C1orf167: variants seen among roughly 807,000 people sequenced by gnomAD.
C1orf167 encodes chromosome 1 open reading frame 167, also known as uncharacterized protein C1orf167.
C1orf167 carries 153 observed loss-of-function variants against 176.5 expected under a neutral mutation model. The observed-to-expected ratio is 0.87, with a 90% CI of 0.76 to 0.99. C1orf167 has a LOEUF of 0.99. Ranked by LOEUF, C1orf167 falls within the 50% of genes least tolerant of loss-of-function variation. C1orf167 has a pLI of 0.00. For synonymous variants in C1orf167, 594 were observed against 752.7 expected, an observed-to-expected ratio of 0.79 and a Z score of 3.45; for missense variants, 1,490 against 1,817.7, an observed-to-expected ratio of 0.82 and a Z score of 3.28.
intron 9 of C1orf167, among the ~76,000 whole-genome samples, chr1:11,775,874 A>T (rs1372668159): frequency 6.6e-6 from 1 of 152,170 alleles, no homozygotes; most frequent in East Asian, 1.9e-4. Context: ...CAGTGCTGGT[A>T]TCCTAGATCC....
rs1225430597 is a variant in C1orf167 at position 11,776,401 on chromosome 1, A to G, written c.2165-63A>G. On this transcript the variant is annotated intron_variant, in intron 9 of 20. Coordinates refer to ENST00000688073, the MANE Select transcript of C1orf167 (RefSeq NM_001010881.2). ...GAGGGGCCTGAGGCAGCAGCTATCA[A>G]TGGCTGTGGGCAGAGTGAGGTCAGT... 1.0e-5 allele frequency: 13 copies of G among 1,247,826 alleles called. No individual in the cohort carries two copies. The East Asian group carries it at 8.2e-4, about 79-fold the overall frequency. 77.3% of individuals were successfully genotyped at this position (1,247,826 alleles called of 1,614,324 possible). A position where few individuals can be genotyped will look rare whatever the true frequency, so the allele number is the denominator to read the frequency against.
intron 8 of C1orf167, among the ~76,000 whole-genome samples, chr1:11,772,803 A>AT (rs1307477140): frequency 6.6e-6 from 1 of 152,214 alleles, no homozygotes; most frequent in East Asian, 1.9e-4. Flanking sequence ...GTGTATGTGA[A>AT]TACCACCTGG....
At chr1:11,781,776 A>G (rs1247193772) in intron 13 of C1orf167, among the ~76,000 whole-genome samples, 2 of 151,908 alleles carry the variant, frequency 1.3e-5, no homozygotes, top group Admixed American at 1.3e-4. Flanking sequence ...CAGGCGTGGT[A>G]GTGTGCGCCT....
intron 6 of C1orf167, among the ~76,000 whole-genome samples, chr1:11,769,518 T>C (rs1174656161): frequency 2.0e-5 from 3 of 151,950 alleles, no homozygotes; most frequent in African/African-American, 7.2e-5. Flanking sequence ...CAGTGAGCTA[T>C]GATCATGCCA....
In C1orf167 at chr1:11,784,273, C is replaced by G. The variant is rs10864543; in HGVS notation, c.3105C>G (p.Ala1035=). The G allele has an allele frequency of 2.3e-6, 3 of 1,302,740 alleles. No homozygotes were observed. The African/African-American group carries it at 4.6e-5, about 20-fold the overall frequency. 80.7% of individuals were successfully genotyped at this position (1,302,740 alleles called of 1,614,324 possible). A position where few individuals can be genotyped will look rare whatever the true frequency, so the allele number is the denominator to read the frequency against. ...GCCTGAGGAGAAGAGCACTGGGGGCCGTGTTTGCCACATGGCGGGAAGCCC... is the reference window on the plus strand; with the variant it reads ...GCCTGAGGAGAAGAGCACTGGGGGCGGTGTTTGCCACATGGCGGGAAGCCC... ...QDGLRRRALG[A]VFATWREAQE... The change falls in exon 15 of 21, where the codon GCC becomes GCG. Residue 1035 remains alanine (A), a synonymous_variant. Transcript: ENST00000688073.
intron 14 of C1orf167, among the ~76,000 whole-genome samples, chr1:11,783,170 C>T (rs1643673271): frequency 6.6e-6 from 1 of 152,150 alleles, no homozygotes; most frequent in Admixed American, 6.5e-5. Context: ...TCAGTGTCCC[C>T]GTGGGGCAGT....
intron 14 of C1orf167, 118 bp downstream of exon 14, chr1:11,782,451 A>G (rs1570427541): frequency 4.1e-6 from 4 of 973,634 alleles, no homozygotes; most frequent in Admixed American, 9.9e-5. Context: ...GTGGCCTGGG[A>G]AAAAAGGGGC....
Position 11,765,996 on chromosome 1 carries a change from AGTCCAGACCAACCTGGCCAGCCCTG to A in C1orf167, c.215_239del (p.Gln72ProfsTer5), listed in dbSNP as rs750887318. The A allele has an allele frequency of 3.1e-6, 4 of 1,289,224 alleles. No homozygotes were observed. The South Asian group carries it at 4.9e-5, about 16-fold the overall frequency. 79.9% of individuals were successfully genotyped at this position (1,289,224 alleles called of 1,614,324 possible). ...CAGTGCTAGACCAGGAGCCCTGCCG[AGTCCAGACCAACCTGGCCAGCCCTG>A]GTCCCCGCCTGGGCCTAGCTCTGAA... On this transcript the variant is annotated frameshift_variant, in exon 3 of 21. Coordinates refer to ENST00000688073, the MANE Select transcript of C1orf167 (RefSeq NM_001010881.2). LOFTEE classifies it high-confidence loss of function.
At position 11,766,332 on chromosome 1, in the gene C1orf167, G is replaced by T. The variant is rs770320609; in HGVS notation, c.546G>T (p.Arg182Ser). 7.8e-7 allele frequency: 1 copy of T among 1,282,458 alleles called. No individual in the cohort carries two copies. Among genetic ancestry groups the T allele is most frequent in the South Asian group, 1.2e-5 (1 of 80,432 alleles). 79.4% of individuals were successfully genotyped at this position (1,282,458 alleles called of 1,614,324 possible). A position where few individuals can be genotyped will look rare whatever the true frequency, so the allele number is the denominator to read the frequency against. Residue 182 changes from arginine to serine, a missense_variant, in exon 3 of 21, where the codon AGG becomes AGT. Physicochemically the swap from Arg to Ser is moderately radical, Grantham distance 110. Coordinates refer to ENST00000688073, the MANE Select transcript of C1orf167 (RefSeq NM_001010881.2). This position sits in a 1 kb window ranked among gnomAD's most constrained non-coding sequence, Gnocchi z 4.5. ...PAPGTPSGDF[R>S]PTEAFAPLDG... ...CAGGCACCCCTAGCGGGGACTTCAG[G>T]CCCACTGAAGCCTTTGCCCCTCTCG...
chr1:11,782,200 C>T lies in C1orf167; in HGVS notation c.2872C>T (p.Leu958=). The T allele has an allele frequency of 7.8e-7, 1 of 1,287,520 alleles. No individual in the cohort carries two copies. Among genetic ancestry groups the T allele is most frequent in the Non-Finnish European group, 1.0e-6 (1 of 981,424 alleles). The allele number at this position is 1,287,520 out of a possible 1,614,324, so 79.8% of individuals were successfully genotyped here. ...CTCTCTGGCCCCAGGGCAGCAGTTC[C>T]TGCATGAAAAGTGCCAGACATGGGT... is the stretch of plus-strand genomic sequence containing the variant. ...WHSCWQGQQF[L]HEKCQTWVQV... Residue 958 remains leucine, a synonymous_variant, in exon 14 of 21, where the codon CTG becomes TTG. Transcript: ENST00000688073.
intron 8 of C1orf167, among the ~76,000 whole-genome samples, chr1:11,774,130 C>G (rs565741180): frequency 6.1e-4 from 93 of 152,236 alleles, no homozygotes; most frequent in Admixed American, 9.8e-4. Context: ...GCCTCGAACT[C>G]CTGGACTCAA....
At chr1:11,779,125 T>C (rs901837406) in intron 12 of C1orf167, 45 bp downstream of exon 12, 18 of 1,207,714 alleles carry the variant, frequency 1.5e-5, no homozygotes, top group Non-Finnish European at 1.7e-5. Context: ...GGACTTACTG[T>C]TTCCCGGCCC....
At chr1:11,769,230 C>T in intron 6 of C1orf167, 103 bp downstream of exon 6, 1 of 878,602 alleles carries the variant, frequency 1.1e-6, no homozygotes, top group Non-Finnish European at 1.4e-6. Flanking sequence ...ATGAAATAAG[C>T]AGATGTGGGC....
In C1orf167 at chr1:11,779,084, G is replaced by A; in HGVS notation, c.2651+4G>A. On this transcript the variant is annotated splice_donor_region_variant and intron_variant, in intron 12 of 20. Coordinates refer to ENST00000688073, the MANE Select transcript of C1orf167 (RefSeq NM_001010881.2). ...ACCAGCATACCCGCCAGAGGCGGTA[G>A]GGATCCCTCCCCATCCGCCCGCCAC... The A allele has an allele frequency of 2.4e-6, 3 of 1,238,322 alleles. No homozygotes were observed. Among genetic ancestry groups the A allele is most frequent in the Non-Finnish European group, 3.1e-6 (3 of 959,406 alleles). 76.7% of individuals were successfully genotyped at this position (1,238,322 alleles called of 1,614,324 possible).
chr1:11,763,455 A>T (rs1264772780), intron 1 of C1orf167, among the ~76,000 whole-genome samples: 1 of 152,172 alleles, frequency 6.6e-6, no homozygotes, highest in African/African-American at 2.4e-5. Flanking sequence ...AAAAAAAAAA[A>T]AAAAGGTTTT....
intron 8 of C1orf167, among the ~76,000 whole-genome samples, chr1:11,774,540 G>A (rs1643222358): frequency 6.6e-6 from 1 of 152,226 alleles, no homozygotes. Context: ...GTGATGTGAA[G>A]GATGAAGAGT....
rs971433735 is a variant in C1orf167, at chr1:11,778,503, G to T, written c.2340-157G>T. 9.2e-6 allele frequency: 5 copies of T among 542,978 alleles called. No homozygotes were observed. In the Admixed American group the frequency reaches 2.0e-4, roughly 21 times the overall value. The allele number at this position is 542,978 out of a possible 1,614,324, so 33.6% of individuals were successfully genotyped here. ...ATTCCAGCATGCAGCCGCTGTGGGGGGCAGCAGCGTGGAACGCTAGCCCAG... is the reference window on the plus strand; with the variant it reads ...ATTCCAGCATGCAGCCGCTGTGGGGTGCAGCAGCGTGGAACGCTAGCCCAG... On this transcript the variant is annotated intron_variant, in intron 10 of 20. Coordinates refer to ENST00000688073, the MANE Select transcript of C1orf167 (RefSeq NM_001010881.2).
chr1:11,787,391 C>T lies in C1orf167; in HGVS notation c.3571C>T (p.Arg1191Cys), dbSNP rs1212967399. 6.2e-6 allele frequency: 8 copies of T among 1,292,688 alleles called. No individual in the cohort carries two copies. The highest frequency in any genetic ancestry group is 5.7e-5 in the East Asian group (1 of 17,694). The allele number at this position is 1,292,688 out of a possible 1,614,324, so 80.1% of individuals were successfully genotyped here. The change falls in exon 17 of 21, where the codon CGC becomes TGC. Residue 1191 changes from arginine (R) to cysteine (C), a missense_variant. Physicochemically the swap from Arg to Cys is radical, Grantham distance 180 (BLOSUM62 -3). Transcript: ENST00000688073. ...TCCTCTCTGGCTATTCCTTCAGACC[C>T]GCAGCTGCTGGACACAGGCCACAGA... is the stretch of plus-strand genomic sequence containing the variant. ...RLGLPGAGKT[R>C]SCWTQATELV... is the part of the protein sequence containing the mutation.
At position 11,779,047 on chromosome 1, in the gene C1orf167, C is replaced by T; in HGVS notation, c.2618C>T (p.Thr873Ile). 1 of 1,280,952 alleles carries T rather than the reference C, an allele frequency of 7.8e-7. No homozygotes were observed. The highest frequency in any genetic ancestry group is 1.0e-6 in the Non-Finnish European group (1 of 978,100). The allele number at this position is 1,280,952 out of a possible 1,614,324, so 79.3% of individuals were successfully genotyped here. ...GCACGGGCCCAGCAGTTCCAGGGCA[C>T]AGCCAGGTGGTACCAGCATACCCGC... Reference protein sequence around the residue: ...WQARAQQFQGTARWYQHTRQR... With the variant: ...WQARAQQFQGIARWYQHTRQR... Residue 873 changes from threonine to isoleucine, a missense_variant, in exon 12 of 21, where the codon ACA becomes ATA. Thr to Ile is a moderately conservative substitution (Grantham distance 89). Coordinates refer to ENST00000688073, the MANE Select transcript of C1orf167 (RefSeq NM_001010881.2).
Sources: allele counts gnomAD v4.1 joint callset (sites outside exome capture counted in the v4.1 genomes callset), GRCh38; gene constraint gnomAD v4.1.1; non-coding constraint Gnocchi (gnomAD v3.1); transcripts MANE v1.5; gene names NCBI Gene and HGNC (gene_info 2026-07-23, HGNC 2026-07-21).